PHACTR3: variants seen among roughly 807,000 people sequenced by gnomAD.
PHACTR3 encodes the protein protein phosphatase 1, regulatory subunit 123.
A neutral mutation model predicts 66.8 loss-of-function variants in PHACTR3; 16 were observed. That is an observed-to-expected ratio of 0.24 (90% CI 0.16 to 0.36). The LOEUF (loss-of-function observed/expected upper bound fraction) is 0.36, where lower values mean the gene tolerates loss of function less well. Among genes scored for constraint, PHACTR3 ranks in the 10% least tolerant of loss-of-function variants. The probability of loss-of-function intolerance (pLI) is 1.00; values close to 1 mark genes in which losing one functional copy is unlikely to be tolerated. For synonymous variants in PHACTR3, 323 were observed against 292.1 expected (o/e 1.11, Z -1.08); for missense variants, 647 against 719.9 (o/e 0.90, Z 1.16).
In PHACTR3 at chr20:59,604,822, T is replaced by C. The variant is rs1600896328; in HGVS notation, c.-193T>C. ...GGCTGCAGCCGGCGAGGCTATTGTCTCCCCGCCCTGAAGCCAGCCCCGGCG... is the reference window on the plus strand; with the variant it reads ...GGCTGCAGCCGGCGAGGCTATTGTCCCCCCGCCCTGAAGCCAGCCCCGGCG... On this transcript the variant is annotated 5_prime_UTR_variant, in exon 1 of 13. Coordinates refer to ENST00000371015, the MANE Select transcript of PHACTR3 (RefSeq NM_080672.5). The C allele has an allele frequency of 1.7e-6, 2 of 1,201,634 alleles. No individual in the cohort carries two copies. The highest frequency in any genetic ancestry group is 2.1e-6 in the Non-Finnish European group (2 of 974,056). 74.4% of individuals were successfully genotyped at this position (1,201,634 alleles called of 1,614,324 possible).
chr20:59,691,502 C>G lies in PHACTR3; in HGVS notation c.119-51605C>G, dbSNP rs374241337. ...CTATTTTTGGACTTTTCATTTTGTCCCATTGAATTGTGTCTATCCTTGCAA... is the reference window on the plus strand; with the variant it reads ...CTATTTTTGGACTTTTCATTTTGTCGCATTGAATTGTGTCTATCCTTGCAA... On this transcript the variant is annotated intron_variant, in intron 1 of 12. Coordinates refer to ENST00000371015, the MANE Select transcript of PHACTR3 (RefSeq NM_080672.5). Among the ~76,000 whole-genome samples the G allele has an allele frequency of 1.1e-3, 173 of 151,884 alleles. 2 individuals are homozygous for G. In the South Asian group the frequency reaches 0.035, roughly 31 times the overall value.
chr20:59,749,678 A>G (rs1361185003), intron 3 of PHACTR3, among the ~76,000 whole-genome samples: 1 of 152,204 alleles, frequency 6.6e-6, no homozygotes, highest in Non-Finnish European at 1.5e-5. Flanking sequence ...TGTTGCAACT[A>G]CTTGTCTCTG....
At chr20:59,751,561 G>C (rs376457175) in intron 3 of PHACTR3, among the ~76,000 whole-genome samples, 1 of 152,154 alleles carries the variant, frequency 6.6e-6, no homozygotes, top group African/African-American at 2.4e-5. Context: ...ACTCTGGGCA[G>C]GGCCAGCAGA....
Position 59,773,395 on chromosome 20 carries a change from C to A in PHACTR3, c.868C>A (p.Pro290Thr), listed in dbSNP as rs781136142. The change falls in exon 6 of 13, where the codon CCA becomes ACA. Residue 290 changes from proline to threonine, a missense_variant. Pro to Thr is a conservative substitution (Grantham distance 38). Around this residue, in one of 2 missense-constraint regions of PHACTR3, gnomAD observed 577 missense variants for 571.1 expected, o/e 1.01. Coordinates refer to ENST00000371015, the MANE Select transcript of PHACTR3 (RefSeq NM_080672.5). ...CACCACGGTCCACCGGCCTCTTCCC[C>A]CAAGCCGCGTCATTGAGGAGCTGCA... ...HLTTVHRPLP[P>T]SRVIEELHRA... 1.9e-6 allele frequency: 3 copies of A among 1,614,162 alleles called. No homozygotes were observed. Among genetic ancestry groups the A allele is most frequent in the Non-Finnish European group, 2.5e-6 (3 of 1,180,036 alleles).
At chr20:59,735,063 G>A (rs1173816225) in intron 1 of PHACTR3, among the ~76,000 whole-genome samples, 1 of 152,078 alleles carries the variant, frequency 6.6e-6, no homozygotes. Flanking sequence ...CTAACACTGT[G>A]CTTTGTTCAA....
At chr20:59,787,644 C>T (rs547224424) in intron 7 of PHACTR3, among the ~76,000 whole-genome samples, 22 of 152,328 alleles carry the variant, frequency 1.4e-4, no homozygotes, top group African/African-American at 5.1e-4. Context: ...GTCCCCATTC[C>T]ACTCCTTAGA....
At chr20:59,638,630 A>G (rs2034982301) in intron 1 of PHACTR3, among the ~76,000 whole-genome samples, 4 of 119,370 alleles carry the variant, frequency 3.4e-5, no homozygotes, top group African/African-American at 6.5e-5. Context: ...TGGATTGGAG[A>G]ATGGGTGGAT....
chr20:59,816,284 T>A (rs1204756366), intron 8 of PHACTR3, among the ~76,000 whole-genome samples: 1 of 152,192 alleles, frequency 6.6e-6, no homozygotes, highest in African/African-American at 2.4e-5. Context: ...TAATGCTTGC[T>A]CGCCACTACT....
intron 7 of PHACTR3, among the ~76,000 whole-genome samples, chr20:59,777,945 CATCTCCAG>C (rs978745453): frequency 2.0e-5 from 3 of 152,154 alleles, no homozygotes; most frequent in Non-Finnish European, 4.4e-5. Flanking sequence ...GCATAGCTTA[CATCTCCAG>C]ATCTCGGTTC....
chr20:59,582,976 C>T (rs1393334125), intron 1 of PHACTR3, among the ~76,000 whole-genome samples: 1 of 151,964 alleles, frequency 6.6e-6, no homozygotes, highest in Non-Finnish European at 1.5e-5. Context: ...CCCTCTTCTG[C>T]CTCGAGTTTA....
At chr20:59,756,935 TG>T (rs1008002320) in intron 4 of PHACTR3, among the ~76,000 whole-genome samples, 3 of 151,966 alleles carry the variant, frequency 2.0e-5, no homozygotes, top group Non-Finnish European at 2.9e-5. Flanking sequence ...ACCTACAGAA[TG>T]GGGGAACATT....
chr20:59,759,013 CGTCAT>C (rs1568789372), intron 4 of PHACTR3, among the ~76,000 whole-genome samples: 8 of 152,210 alleles, frequency 5.3e-5, no homozygotes, highest in Non-Finnish European at 2.9e-5. Context: ...TCGTTGTCAT[CGTCAT>C]TGTCATCTGT....
At chr20:59,660,476 A>G (rs1219946808) in intron 1 of PHACTR3, among the ~76,000 whole-genome samples, 1 of 152,206 alleles carries the variant, frequency 6.6e-6, no homozygotes, top group Non-Finnish European at 1.5e-5. Context: ...CCTGGGGGAC[A>G]GCGAGACTCC....
At chr20:59,747,486 T>C (rs2039418239) in intron 2 of PHACTR3, among the ~76,000 whole-genome samples, 1 of 152,220 alleles carries the variant, frequency 6.6e-6, no homozygotes. Flanking sequence ...GGGCGTTATA[T>C]GTGCAGGGGC....
chr20:59,747,476 G>T (rs938346478), intron 2 of PHACTR3, among the ~76,000 whole-genome samples: 6 of 152,220 alleles, frequency 3.9e-5, no homozygotes, highest in Non-Finnish European at 7.3e-5. Context: ...GCTTAGAGAG[G>T]GGCGTTATAT....
intron 1 of PHACTR3, among the ~76,000 whole-genome samples, chr20:59,609,549 C>G (rs1568931408): frequency 6.9e-6 from 1 of 144,750 alleles, no homozygotes; most frequent in Non-Finnish European, 1.5e-5. Flanking sequence ...AACACTGAGT[C>G]TTGGTTCTCT....
At chr20:59,762,017 A>C in intron 4 of PHACTR3, among the ~76,000 whole-genome samples, 1 of 152,244 alleles carries the variant, frequency 6.6e-6, no homozygotes, top group African/African-American at 2.4e-5. Context: ...CCAAAATACA[A>C]CGGTGGCTGC....
At chr20:59,588,653 C>G (rs541632886) in intron 1 of PHACTR3, among the ~76,000 whole-genome samples, 21 of 152,330 alleles carry the variant, frequency 1.4e-4, no homozygotes, top group Non-Finnish European at 2.8e-4. Context: ...CACCCCTCAC[C>G]CCTGGCTGCT....
rs142212226 is a variant in PHACTR3 at position 59,738,651 on chromosome 20, G to A, written c.119-4456G>A. On this transcript the variant is annotated intron_variant, in intron 1 of 12. Transcript: ENST00000371015. This position sits in a 1 kb window ranked among gnomAD's most constrained non-coding sequence, Gnocchi z 4.4. ...GGAGCCCGTGTGGTGTCTGTCGTGG[G>A]GACCCACCTAACTCCTTGATGCTGT... Among the ~76,000 whole-genome samples the A allele has an allele frequency of 1.4e-3, 209 of 152,228 alleles. 2 individuals carry two copies. In the Middle Eastern group the frequency reaches 0.024, roughly 17 times the overall value.
Sources: gnomAD v4.1 joint callset for allele counts (sites outside exome capture counted in the v4.1 genomes callset) on GRCh38, gnomAD v4.1.1 for gene constraint, gnomAD v4.1.1 regional missense constraint, Gnocchi (gnomAD v3.1) non-coding constraint, MANE v1.5 for transcripts, NCBI Gene and HGNC (gene_info 2026-07-23, HGNC 2026-07-21) for gene names.